Variants in NPIPA5 observed in about 807,000 individuals in gnomAD.
NPIPA5 encodes nuclear pore complex-interacting protein family member A5.
NPIPA5 carries 6 observed loss-of-function variants against 21.4 expected under a neutral mutation model. The observed-to-expected ratio is 0.28, with a 90% CI of 0.15 to 0.55. The LOEUF is 0.55. Among genes scored for constraint, NPIPA5 ranks in the 20% least tolerant of loss-of-function variants. The pLI is 0.93. For synonymous variants in NPIPA5, 33 were observed against 115.3 expected, an observed-to-expected ratio of 0.29 and a Z score of 4.57; for missense variants, 99 against 318.2, an observed-to-expected ratio of 0.31 and a Z score of 5.24.
chr16:15,369,443 G>T (rs367832192), intron 4 of NPIPA5, among the ~76,000 whole-genome samples: 1 of 149,920 alleles, frequency 6.7e-6, no homozygotes, highest in East Asian at 2.0e-4. Context: ...GCAAAGCTCC[G>T]TCTCAGGAAA....
intron 1 of NPIPA5, among the ~76,000 whole-genome samples, chr16:15,375,741 C>A (rs1156971428): frequency 0.079 from 4,663 of 59,244 alleles, no homozygotes; most frequent in Middle Eastern, 0.15. Flanking sequence ...GACTCTGTCT[C>A]AAAAAAAAAA....
chr16:15,374,358 C>A (rs2050234639), intron 1 of NPIPA5, among the ~76,000 whole-genome samples: 1 of 151,488 alleles, frequency 6.6e-6, no homozygotes, highest in African/African-American at 2.4e-5. Flanking sequence ...GCCACCATGC[C>A]TGACTAATTT....
At chr16:15,376,850 T>G (rs2050309654) in intron 1 of NPIPA5, among the ~76,000 whole-genome samples, 2 of 152,058 alleles carry the variant, frequency 1.3e-5, no homozygotes, top group South Asian at 2.1e-4. Flanking sequence ...AGCCAGGCAT[T>G]GTAATCTGAG....
chr16:15,370,666 A>G (rs575912373), intron 2 of NPIPA5, among the ~76,000 whole-genome samples: 8 of 138,976 alleles, frequency 5.8e-5, no homozygotes, highest in African/African-American at 2.1e-4. Context: ...CAGGAGAATC[A>G]CTTGAACCCA....
At chr16:15,379,802 G>T (rs963486900), upstream of NPIPA5, among the ~76,000 whole-genome samples, 1 of 151,888 alleles carries the variant, frequency 6.6e-6, no homozygotes, top group African/African-American at 2.4e-5. Flanking sequence ...AAAATTAGCT[G>T]GGCATGGTGG....
In NPIPA5 at chr16:15,375,460, T is replaced by G. The variant is rs1285429077; in HGVS notation, c.64-1617A>C. On this transcript the variant is annotated intron_variant, in intron 1 of 7. Coordinates refer to ENST00000360151, the MANE Select transcript of NPIPA5 (RefSeq NM_001277325.2). ...TTTTAGTTCTTAAAAAGTAACAAGG[T>G]GGGCCGGGCGTGGTGGCTCACGCCT... 1.6e-4 allele frequency among the ~76,000 whole-genome samples: 24 copies of G among 150,682 alleles called. No individual in the cohort carries two copies. The Admixed American group carries it at 1.6e-3, about 10-fold the overall frequency.
intron 1 of NPIPA5, among the ~76,000 whole-genome samples, chr16:15,377,477 CAGGAGCCAAAAG>C (rs1013782718): frequency 4.1e-5 from 6 of 144,626 alleles, no homozygotes; most frequent in African/African-American, 1.0e-4. Flanking sequence ...TAAATCCCAG[CAGGAGCCAAAAG>C]AGGAGCCAAA....
chr16:15,363,896 A>G lies in NPIPA5; in HGVS notation c.816T>C (p.Tyr272=). 6.2e-7 allele frequency: 1 copy of G among 1,604,198 alleles called. No homozygotes were observed. ...SLKTPSERLL[Y]PLPPSADDNL... is the part of the protein sequence containing the mutation. ...TATCATCCGCTGAGGGTGGAAGGGG[A>G]TAGAGCAGACGCTCGGAAGGTGTCT... The change falls in exon 8 of 8, where the codon TAT becomes TAC. Residue 272 remains tyrosine, a synonymous_variant. Transcript: ENST00000360151.
Position 15,363,771 on chromosome 16 carries a change from G to A in NPIPA5, c.941C>T (p.Thr314Ile), listed in dbSNP as rs200515084. The A allele has an allele frequency of 2.6e-6, 3 of 1,150,194 alleles. No homozygotes were observed. The highest frequency in any genetic ancestry group is 3.3e-6 in the Non-Finnish European group (3 of 906,810). 71.2% of individuals were successfully genotyped at this position (1,150,194 alleles called of 1,614,324 possible). The part of the protein sequence containing the change: ...NLKTPAECLL[T>I]PLPPSAPPSA... ...GGGTGGAGCTGAGGGTGGAAGGGGA[G>A]TGAGCAGACACTCGGCAGGTGTCTT... The change falls in exon 8 of 8, where the codon ACT (threonine) becomes ATT (isoleucine). Residue 314 changes from threonine (T) to isoleucine (I), a missense_variant. Coordinates refer to ENST00000360151, the MANE Select transcript of NPIPA5 (RefSeq NM_001277325.2).
At chr16:15,370,461 A>T (rs1017163069) in intron 2 of NPIPA5, among the ~76,000 whole-genome samples, 2 of 142,718 alleles carry the variant, frequency 1.4e-5, no homozygotes, top group African/African-American at 5.1e-5. Context: ...AACACACAAG[A>T]ATGACATGAG....
At chr16:15,379,426 G>T (rs571580718), upstream of NPIPA5, among the ~76,000 whole-genome samples, 1 of 151,572 alleles carries the variant, frequency 6.6e-6, no homozygotes, top group South Asian at 2.1e-4. Context: ...AATTAGCCGG[G>T]TGTGGTGGTG....
chr16:15,375,696 C>T (rs939762947), intron 1 of NPIPA5, among the ~76,000 whole-genome samples: 3 of 143,766 alleles, frequency 2.1e-5, no homozygotes, highest in South Asian at 2.3e-4. Flanking sequence ...GAGCCAAGAT[C>T]GCACCACTGC....
upstream of NPIPA5, among the ~76,000 whole-genome samples, chr16:15,379,091 G>A (rs1339553409): frequency 6.6e-5 from 10 of 152,140 alleles, no homozygotes; most frequent in African/African-American, 9.6e-5. Context: ...CCTTCTGCCC[G>A]ATCACACAGA....
rs1598396829 is a variant in NPIPA5, at chr16:15,370,762, A to G, written c.193-643T>C. Among the ~76,000 whole-genome samples, 3 of 145,714 alleles carry G rather than the reference A, an allele frequency of 2.1e-5. No homozygotes were observed. In the South Asian group the frequency reaches 6.8e-4, roughly 33 times the overall value. On this transcript the variant is annotated intron_variant, in intron 2 of 7. Coordinates refer to ENST00000360151, the MANE Select transcript of NPIPA5 (RefSeq NM_001277325.2). Reference sequence around the variant, plus strand: ...TTCAAACTCTGTCTCAAAAAAAAAAAAAAATAGGCCAGGTGCGGTAGCTCA... The same window carrying G: ...TTCAAACTCTGTCTCAAAAAAAAAAGAAAATAGGCCAGGTGCGGTAGCTCA...
chr16:15,378,952 T>A (rs935959705), upstream of NPIPA5, among the ~76,000 whole-genome samples: 1 of 140,386 alleles, frequency 7.1e-6, no homozygotes, highest in African/African-American at 2.7e-5. Context: ...CCAGAGGGCT[T>A]GGCAGCATCA....
chr16:15,371,045 CAA>C (rs757452192), intron 2 of NPIPA5, among the ~76,000 whole-genome samples: 7 of 49,378 alleles, frequency 1.4e-4, no homozygotes, highest in African/African-American at 3.7e-4. Flanking sequence ...GACTCCGTCT[CAA>C]AAAAAAAAAA....
intron 2 of NPIPA5, among the ~76,000 whole-genome samples, chr16:15,372,596 C>T (rs1195417323): frequency 6.9e-6 from 1 of 145,736 alleles, no homozygotes; most frequent in African/African-American, 2.5e-5. Context: ...CTTCATAACT[C>T]ATATATTTTC....
chr16:15,377,165 C>T (rs1431328149), intron 1 of NPIPA5, among the ~76,000 whole-genome samples: 2 of 149,848 alleles, frequency 1.3e-5, no homozygotes, highest in Admixed American at 1.3e-4. Flanking sequence ...AACAGGTACG[C>T]ACCACCAGGC....
chr16:15,380,011 G>GTA (rs2150892790), upstream of NPIPA5, among the ~76,000 whole-genome samples: 1 of 150,614 alleles, frequency 6.6e-6, no homozygotes, highest in East Asian at 2.0e-4. Flanking sequence ...GTGTGTGTGT[G>GTA]TATCTCTATA....
Sources: gnomAD v4.1 joint callset for allele counts (sites outside exome capture counted in the v4.1 genomes callset) on GRCh38, gnomAD v4.1.1 for gene constraint, MANE v1.5 for transcripts, NCBI Gene and HGNC (gene_info 2026-07-23, HGNC 2026-07-21) for gene names.